MCC: variants seen among roughly 807,000 people sequenced by gnomAD.
MCC encodes MCC regulator of Wnt signaling pathway, also known as colorectal mutant cancer protein.
MCC carries 90 observed loss-of-function variants against 116.2 expected under a neutral mutation model. The observed-to-expected ratio is 0.77, with a 90% confidence interval of 0.65 to 0.92. The LOEUF is 0.92. Ranked by LOEUF, MCC falls within the 40% of genes least tolerant of loss-of-function variation. The pLI is 0.00. For synonymous variants in MCC, 578 were observed against 510.5 expected (o/e 1.13, Z -1.78); for missense variants, 1,516 against 1,312.2 (o/e 1.16, Z -2.40).
At chr5:113,381,692 A>G (rs1482408275) in intron 2 of MCC, among the ~76,000 whole-genome samples, 1 of 152,080 alleles carries the variant, frequency 6.6e-6, no homozygotes, top group Non-Finnish European at 1.5e-5. Context: ...GGAAGCTGAG[A>G]CAGGAGGATC....
At chr5:113,105,335 G>C (rs976101267) in intron 6 of MCC, among the ~76,000 whole-genome samples, 3 of 152,116 alleles carry the variant, frequency 2.0e-5, no homozygotes, top group African/African-American at 7.2e-5. Flanking sequence ...AACTGCTTTT[G>C]GGACTTACCT....
Position 113,064,113 on chromosome 5 carries a change from C to A in MCC, c.2084G>T (p.Cys695Phe), listed in dbSNP as rs1248911805. ...ITQMLKRAHD[C>F]RKTAENAAKA... is the part of the protein sequence containing the mutation. ...GGCAGCGTTCTCAGCTGTCTTCCGG[C>A]AGTCATGAGCTCGCTTGAGCATCTG... Residue 695 changes from cysteine (C) to phenylalanine (F), a missense_variant, in exon 14 of 19, where the codon TGC becomes TTC. By Grantham distance (205) the Cys-to-Phe change is radical. Coordinates refer to ENST00000408903, the MANE Select transcript of MCC (RefSeq NM_001085377.2). 6.2e-7 allele frequency: 1 copy of A among 1,614,118 alleles called. No homozygotes were observed. Among genetic ancestry groups the A allele is most frequent in the Admixed American group, 1.7e-5 (1 of 60,026 alleles).
intron 1 of MCC, among the ~76,000 whole-genome samples, chr5:113,423,473 G>A (rs952981189): frequency 3.3e-5 from 5 of 152,104 alleles, no homozygotes; most frequent in South Asian, 2.1e-4. Flanking sequence ...CAATATTTAC[G>A]AATTCAGTGT....
chr5:113,059,312 G>A (rs891885639), intron 14 of MCC, among the ~76,000 whole-genome samples: 1 of 152,150 alleles, frequency 6.6e-6, no homozygotes, highest in Admixed American at 6.5e-5. Flanking sequence ...CAGATCAGGC[G>A]AGGTTAATTA....
chr5:113,031,674 A>T (rs1179712978), intron 17 of MCC, among the ~76,000 whole-genome samples: 2 of 152,152 alleles, frequency 1.3e-5, no homozygotes, highest in Admixed American at 6.5e-5. Flanking sequence ...AGAGCAGTCA[A>T]ATCCCCTCCC....
intron 6 of MCC, among the ~76,000 whole-genome samples, chr5:113,112,833 C>A (rs1425691246): frequency 6.6e-6 from 1 of 152,218 alleles, no homozygotes; most frequent in Non-Finnish European, 1.5e-5. Context: ...TATAAGCCAA[C>A]TTTTTAAAGT....
intron 3 of MCC, among the ~76,000 whole-genome samples, chr5:113,250,665 G>T (rs544457689): frequency 6.6e-6 from 1 of 152,344 alleles, no homozygotes; most frequent in South Asian, 2.1e-4. Context: ...GCATGGAACT[G>T]TTTGTGTAAG....
At position 113,192,832 on chromosome 5, in the gene MCC, T is replaced by C. The variant is rs370653755; in HGVS notation, c.628-41410A>G. On this transcript the variant is annotated intron_variant, in intron 3 of 18. Transcript: ENST00000408903. ...AAACAAGGAAGAACCTACTAAGTAG[T>C]AGATGTCAGTATGAAAGTTTTTCCA... Among the ~76,000 whole-genome samples the C allele has an allele frequency of 3.9e-5, 6 of 152,226 alleles. No homozygotes were observed. The South Asian group carries it at 8.3e-4, about 21-fold the overall frequency.
chr5:113,052,409 G>A (rs1752544324), intron 15 of MCC, among the ~76,000 whole-genome samples: 1 of 151,060 alleles, frequency 6.6e-6, no homozygotes, highest in Non-Finnish European at 1.5e-5. Context: ...TCTCTACAGA[G>A]AGGTCAGGAT....
intron 10 of MCC, 63 bp from the exon 11 acceptor site, chr5:113,083,071 G>T: frequency 6.7e-7 from 1 of 1,494,314 alleles, no homozygotes; most frequent in Non-Finnish European, 9.1e-7. Flanking sequence ...TGTTTTGCAT[G>T]CAAAAGAATT....
At chr5:113,392,785 T>C (rs13174206) in intron 1 of MCC, among the ~76,000 whole-genome samples, 22,731 of 152,176 alleles carry the variant, frequency 0.15, 2,084 homozygotes, top group Non-Finnish European at 0.21. Flanking sequence ...GTTGGTACCA[T>C]TATTATCTCC....
chr5:113,093,877 C>G (rs1755825453), intron 8 of MCC, among the ~76,000 whole-genome samples: 1 of 152,184 alleles, frequency 6.6e-6, no homozygotes, highest in Admixed American at 6.5e-5. Context: ...CGTAGCAGTA[C>G]TCACTGGGTA....
chr5:113,450,806 G>A (rs760346388), intron 1 of MCC, among the ~76,000 whole-genome samples: 33 of 152,138 alleles, frequency 2.2e-4, no homozygotes, highest in Admixed American at 1.0e-3. Context: ...CTTCAGTAAG[G>A]TCTCCAGAAG....
intron 3 of MCC, among the ~76,000 whole-genome samples, chr5:113,317,681 G>A (rs1203944781): frequency 1.3e-5 from 2 of 152,158 alleles, no homozygotes; most frequent in South Asian, 2.1e-4. Flanking sequence ...TAAAACCTTC[G>A]TTCCACAAAT....
chr5:113,226,004 C>T (rs1340613249), intron 3 of MCC, among the ~76,000 whole-genome samples: 1 of 152,254 alleles, frequency 6.6e-6, no homozygotes, highest in Non-Finnish European at 1.5e-5. Context: ...AAAACCCTGT[C>T]TCTATTAAAA....
intron 3 of MCC, among the ~76,000 whole-genome samples, chr5:113,252,486 C>T (rs115902360): frequency 2.6e-5 from 4 of 152,288 alleles, no homozygotes; most frequent in Admixed American, 1.3e-4. Context: ...TATGATCTGT[C>T]GCTGTCTGCC....
intron 3 of MCC, among the ~76,000 whole-genome samples, chr5:113,169,318 T>G (rs1192994429): frequency 6.6e-6 from 1 of 152,028 alleles, no homozygotes; most frequent in Non-Finnish European, 1.5e-5. Flanking sequence ...AATAAGCAAA[T>G]TAACATTATA....
chr5:113,335,487 A>C lies in MCC; in HGVS notation c.627+5032T>G, dbSNP rs375066361. On this transcript the variant is annotated intron_variant, in intron 3 of 18. Coordinates refer to ENST00000408903, the MANE Select transcript of MCC (RefSeq NM_001085377.2). ...GGAATTTATCTCTGCTGTATCTAGA[A>C]AATGAAACTTCTGTTACGTTTTATG... is the stretch of plus-strand genomic sequence containing the variant. 9.9e-5 allele frequency among the ~76,000 whole-genome samples: 15 copies of C among 151,772 alleles called. 1 individual carries two copies. The highest frequency in any genetic ancestry group is 3.4e-4 in the African/African-American group (14 of 41,030).
chr5:113,107,517 AGAGGCCCTTTG>A (rs1273988441), intron 6 of MCC, among the ~76,000 whole-genome samples: 1 of 152,158 alleles, frequency 6.6e-6, no homozygotes, highest in African/African-American at 2.4e-5. Flanking sequence ...TCATCACTGC[AGAGGCCCTTTG>A]GAGATGGAGG....
Sources: gnomAD v4.1 joint callset for allele counts (sites outside exome capture counted in the v4.1 genomes callset) on GRCh38, gnomAD v4.1.1 for gene constraint, MANE v1.5 for transcripts, NCBI Gene and HGNC (gene_info 2026-07-23, HGNC 2026-07-21) for gene names.